ALPK2: variants seen among roughly 807,000 people sequenced by gnomAD.
The protein encoded by ALPK2 is alpha kinase 2.
A neutral mutation model predicts 163.1 loss-of-function variants in ALPK2; 127 were observed. The observed-to-expected ratio is 0.78, with a 90% CI of 0.67 to 0.90. ALPK2 has a LOEUF of 0.90. Ranked by LOEUF, ALPK2 falls within the 40% of genes least tolerant of loss-of-function variation. ALPK2 has a pLI of 0.00. For synonymous variants in ALPK2, 953 were observed against 959.1 expected, an observed-to-expected ratio of 0.99 and a Z score of 0.12; for missense variants, 2,360 against 2,589.6, an observed-to-expected ratio of 0.91 and a Z score of 1.92.
chr18:58,485,198 G>A (rs1221463966), intron 12 of ALPK2, among the ~76,000 whole-genome samples: 1 of 152,184 alleles, frequency 6.6e-6, no homozygotes, highest in Non-Finnish European at 1.5e-5. Flanking sequence ...TTGCTTAATA[G>A]GGCCAAAGGC....
intron 3 of ALPK2, among the ~76,000 whole-genome samples, chr18:58,589,301 T>C (rs1460818839): frequency 2.6e-5 from 4 of 152,220 alleles, no homozygotes; most frequent in Admixed American, 6.5e-5. Context: ...CAATGCTTAA[T>C]ACATGGGCCT....
chr18:58,502,134 C>CACACACA (rs2051434621), intron 11 of ALPK2, among the ~76,000 whole-genome samples: 15 of 118,830 alleles, frequency 1.3e-4, no homozygotes, highest in South Asian at 3.1e-4. Flanking sequence ...AACCCCATCT[C>CACACACA]CACACACACA....
At chr18:58,561,727 C>G (rs953250789) in intron 4 of ALPK2, among the ~76,000 whole-genome samples, 1 of 152,204 alleles carries the variant, frequency 6.6e-6, no homozygotes, top group African/African-American at 2.4e-5. Flanking sequence ...TGTCTACCAA[C>G]TCCCACCCCC....
intron 5 of ALPK2, among the ~76,000 whole-genome samples, chr18:58,531,785 A>T (rs946294430): frequency 3.3e-5 from 5 of 151,648 alleles, no homozygotes; most frequent in African/African-American, 1.2e-4. Flanking sequence ...TAAATATACA[A>T]AAATTAGCTG....
intron 4 of ALPK2, among the ~76,000 whole-genome samples, chr18:58,550,692 GT>G: frequency 2.9e-5 from 1 of 34,760 alleles, no homozygotes; most frequent in Non-Finnish European, 5.9e-5. Context: ...CCTCCATCGT[GT>G]ACAACCCCAT....
At chr18:58,578,747 C>CGCGCGCGCGCGT in intron 4 of ALPK2, 67 bp downstream of exon 4, 1 of 1,322,984 alleles carries the variant, frequency 7.6e-7, no homozygotes, top group African/African-American at 1.5e-5. Flanking sequence ...CACACACACA[C>CGCGCGCGCGCGT]ACACACACAC....
At chr18:58,569,767 T>C (rs2144186335) in intron 4 of ALPK2, among the ~76,000 whole-genome samples, 1 of 152,350 alleles carries the variant, frequency 6.6e-6, no homozygotes, top group East Asian at 1.9e-4. Context: ...TGTTCCTCCC[T>C]GGGTCAGCTA....
intron 10 of ALPK2, among the ~76,000 whole-genome samples, chr18:58,513,151 G>A (rs1477297960): frequency 6.7e-6 from 1 of 149,934 alleles, no homozygotes; most frequent in Non-Finnish European, 1.5e-5. Context: ...TGGTATGTAT[G>A]TGTGGTGTGG....
rs1003841164 is a variant in ALPK2 at position 58,608,957 on chromosome 18, C to CAA, written c.110-1520_110-1519dup. On this transcript the variant is annotated intron_variant, in intron 2 of 12. Transcript: ENST00000361673. ...TGGGCGACAGAGTGGGACCTTGTCT[C>CAA]AAAAAAAAAAAAAGAAAAGAAAAGA... is the stretch of plus-strand genomic sequence containing the variant. 7.9e-3 allele frequency among the ~76,000 whole-genome samples: 925 copies of CAA among 117,054 alleles called. 7 individuals carry two copies. The highest frequency in any genetic ancestry group is 0.013 in the African/African-American group (412 of 32,908). 76.8% of individuals were successfully genotyped at this position (117,054 alleles called of 152,430 possible).
chr18:58,495,876 C>A (rs1345202792), intron 12 of ALPK2, among the ~76,000 whole-genome samples: 1 of 152,162 alleles, frequency 6.6e-6, no homozygotes, highest in African/African-American at 2.4e-5. Flanking sequence ...GTCACATGCC[C>A]ACAGTCACAC....
At chr18:58,598,147 C>G (rs2052050324) in intron 3 of ALPK2, among the ~76,000 whole-genome samples, 1 of 152,260 alleles carries the variant, frequency 6.6e-6, no homozygotes, top group Non-Finnish European at 1.5e-5. Context: ...CTCTCACGGA[C>G]CACGCCCATT....
intron 5 of ALPK2, 69 bp downstream of exon 5, chr18:58,534,765 G>T: frequency 6.6e-7 from 1 of 1,522,068 alleles, no homozygotes. Flanking sequence ...GACCCTCGAG[G>T]ACACAGGAAC....
intron 12 of ALPK2, among the ~76,000 whole-genome samples, chr18:58,485,788 G>A (rs551767047): frequency 4.8e-5 from 4 of 83,020 alleles, no homozygotes; most frequent in South Asian, 3.4e-4. Context: ...CCTGCCACTG[G>A]GGGGGGACCC....
chr18:58,594,178 T>G (rs1219356534), intron 3 of ALPK2, among the ~76,000 whole-genome samples: 1 of 152,142 alleles, frequency 6.6e-6, no homozygotes, highest in Non-Finnish European at 1.5e-5. Context: ...TTTCCTGGCT[T>G]CCACTTGGCG....
At chr18:58,590,939 G>A (rs912787245) in intron 3 of ALPK2, among the ~76,000 whole-genome samples, 7 of 152,260 alleles carry the variant, frequency 4.6e-5, no homozygotes, top group African/African-American at 1.7e-4. Context: ...TGCAACACCC[G>A]GCTCCCATGA....
intron 1 of ALPK2, among the ~76,000 whole-genome samples, chr18:58,626,264 C>G (rs2052230147): frequency 6.6e-6 from 1 of 152,148 alleles, no homozygotes; most frequent in East Asian, 1.9e-4. Context: ...CTCGTCTGCT[C>G]CCTCCCATCC....
intron 3 of ALPK2, among the ~76,000 whole-genome samples, chr18:58,597,208 T>A (rs921539114): frequency 6.6e-6 from 1 of 152,080 alleles, no homozygotes; most frequent in African/African-American, 2.4e-5. Flanking sequence ...GAGAATTGCT[T>A]GAACCTGGGA....
chr18:58,495,048 C>T (rs1431516426), intron 12 of ALPK2, among the ~76,000 whole-genome samples: 1 of 152,064 alleles, frequency 6.6e-6, no homozygotes, highest in African/African-American at 2.4e-5. Context: ...TGCCCCATGC[C>T]CCATGCCCCA....
At chr18:58,585,289 T>G (rs1337753834) in intron 3 of ALPK2, among the ~76,000 whole-genome samples, 4 of 152,228 alleles carry the variant, frequency 2.6e-5, no homozygotes, top group South Asian at 4.1e-4. Flanking sequence ...AACTATTTAG[T>G]TCATTTTAAA....
Sources: allele counts gnomAD v4.1 joint callset (sites outside exome capture counted in the v4.1 genomes callset), GRCh38; gene constraint gnomAD v4.1.1; transcripts MANE v1.5; gene names NCBI Gene and HGNC (gene_info 2026-07-23, HGNC 2026-07-21).